Variants in RFX3 observed in about 807,000 individuals in gnomAD.
RFX3 encodes the protein regulatory factor X3, also known as transcription factor RFX3.
RFX3 carries 14 observed loss-of-function variants against 98.6 expected under a neutral mutation model. The observed-to-expected ratio is 0.14, with a 90% CI of 0.09 to 0.22. RFX3 has a LOEUF of 0.22. RFX3 is among the 10% of genes least tolerant of loss of function. RFX3 has a pLI of 1.00. For missense variants in RFX3, 639 were observed against 926.9 expected, an observed-to-expected ratio of 0.69 and a Z score of 4.03; for synonymous variants, 383 against 328.4, an observed-to-expected ratio of 1.17 and a Z score of -1.80.
At chr9:3,411,214 G>A (rs1223880106) in intron 1 of RFX3, among the ~76,000 whole-genome samples, 1 of 152,040 alleles carries the variant, frequency 6.6e-6, no homozygotes, top group Non-Finnish European at 1.5e-5. Flanking sequence ...TTCCTTATAA[G>A]GTTTACTCAA....
chr9:3,414,833 T>C (rs547288140), intron 1 of RFX3, among the ~76,000 whole-genome samples: 87 of 139,586 alleles, frequency 6.2e-4, no homozygotes, highest in African/African-American at 2.2e-3. Flanking sequence ...TATATGTATA[T>C]ATGAGTATAT....
chr9:3,417,420 C>T (rs1217290671), intron 1 of RFX3, among the ~76,000 whole-genome samples: 1 of 152,100 alleles, frequency 6.6e-6, no homozygotes, highest in East Asian at 1.9e-4. Flanking sequence ...ACAGACCATA[C>T]CTGATCACAA....
intron 15 of RFX3, among the ~76,000 whole-genome samples, chr9:3,231,373 G>T (rs915201382): frequency 6.6e-6 from 1 of 152,062 alleles, no homozygotes; most frequent in Non-Finnish European, 1.5e-5. Context: ...CCTATAGATA[G>T]GCTGCATGAG....
In RFX3 at chr9:3,343,066, T is replaced by C. The variant is rs185484888; in HGVS notation, c.215+3601A>G. ...CTGTTATGCTGGCAGTAATTGTCCA[T>C]ATTCACAGGGAGAATCGGGTAAACA... On this transcript the variant is annotated intron_variant, in intron 3 of 16. Coordinates refer to ENST00000617270, the MANE Select transcript of RFX3 (RefSeq NM_001282116.2). Among the ~76,000 whole-genome samples, 7 of 152,322 alleles carry C rather than the reference T, an allele frequency of 4.6e-5. 1 individual carries two copies. In the East Asian group the frequency reaches 1.3e-3, roughly 29 times the overall value.
intron 8 of RFX3, among the ~76,000 whole-genome samples, chr9:3,276,849 C>T (rs1292639065): frequency 6.6e-6 from 1 of 151,982 alleles, no homozygotes; most frequent in Non-Finnish European, 1.5e-5. Context: ...CTTCCTAACT[C>T]TTTCAATAAC....
chr9:3,283,061 G>A (rs1249752321), intron 7 of RFX3, among the ~76,000 whole-genome samples: 1 of 151,624 alleles, frequency 6.6e-6, no homozygotes, highest in East Asian at 1.9e-4. Context: ...GATTATTTAT[G>A]TTTCTCCTCT....
At chr9:3,483,553 T>C (rs1303662708) in intron 1 of RFX3, among the ~76,000 whole-genome samples, 11 of 152,156 alleles carry the variant, frequency 7.2e-5, no homozygotes, top group Non-Finnish European at 1.6e-4. Flanking sequence ...CAGGCCATAG[T>C]GGCCGGGCTC....
chr9:3,395,877 T>C (rs2131938381), intron 1 of RFX3, among the ~76,000 whole-genome samples: 1 of 152,304 alleles, frequency 6.6e-6, no homozygotes, highest in South Asian at 2.1e-4. Context: ...TCATTTGTTA[T>C]AAATTGTTTA....
intron 4 of RFX3, among the ~76,000 whole-genome samples, chr9:3,318,894 A>G (rs976922783): frequency 1.3e-5 from 2 of 152,130 alleles, no homozygotes; most frequent in South Asian, 2.1e-4. Flanking sequence ...TGAAATCAAG[A>G]TTGTCTTTTT....
intron 11 of RFX3, among the ~76,000 whole-genome samples, chr9:3,267,755 G>T (rs561166205): frequency 6.6e-6 from 1 of 151,736 alleles, no homozygotes; most frequent in Non-Finnish European, 1.5e-5. Flanking sequence ...TTTTTCTGTT[G>T]TATTATGTGC....
chr9:3,472,138 A>G (rs902817212), intron 1 of RFX3, among the ~76,000 whole-genome samples: 2 of 152,204 alleles, frequency 1.3e-5, no homozygotes, highest in Admixed American at 1.3e-4. Context: ...ATTTGTTTAG[A>G]AAGGTCACTG....
intron 1 of RFX3, chr9:3,469,139 C>T (rs1189276027): frequency 2.2e-6 from 1 of 455,006 alleles, no homozygotes; most frequent in Non-Finnish European, 4.4e-6. Context: ...GGGATAAATT[C>T]TGTTCATTTA....
intron 1 of RFX3, among the ~76,000 whole-genome samples, chr9:3,471,304 A>G (rs1379643361): frequency 1.3e-5 from 2 of 152,224 alleles, no homozygotes; most frequent in Admixed American, 6.5e-5. Flanking sequence ...AAGGCAAGTA[A>G]TATCATTCTG....
At chr9:3,503,708 A>G (rs929877984) in intron 1 of RFX3, among the ~76,000 whole-genome samples, 2 of 152,120 alleles carry the variant, frequency 1.3e-5, no homozygotes, top group African/African-American at 4.8e-5. Flanking sequence ...GTCTTTTTAC[A>G]TGTACAAAGT....
intron 1 of RFX3, among the ~76,000 whole-genome samples, chr9:3,410,841 T>G (rs1208736264): frequency 1.3e-5 from 2 of 152,234 alleles, no homozygotes; most frequent in Non-Finnish European, 2.9e-5. Context: ...ACCACGCCGC[T>G]TGATTTCTTT....
chr9:3,370,219 G>A (rs574683938), intron 2 of RFX3, among the ~76,000 whole-genome samples: 34 of 150,742 alleles, frequency 2.3e-4, no homozygotes, highest in African/African-American at 7.8e-4. Flanking sequence ...GATCCCTAGA[G>A]CAAGTTATCC....
intron 4 of RFX3, among the ~76,000 whole-genome samples, chr9:3,315,430 TA>T (rs1830468950): frequency 6.6e-6 from 1 of 152,064 alleles, no homozygotes; most frequent in South Asian, 2.1e-4. Flanking sequence ...AGGAAAGATC[TA>T]AAATTGACAC....
At chr9:3,498,661 T>C (rs1055105430) in intron 1 of RFX3, among the ~76,000 whole-genome samples, 1 of 152,118 alleles carries the variant, frequency 6.6e-6, no homozygotes, top group Non-Finnish European at 1.5e-5. Context: ...ATTGCTATTT[T>C]AATACCACAA....
At chr9:3,495,096 G>A (rs966859746) in intron 1 of RFX3, among the ~76,000 whole-genome samples, 1 of 151,502 alleles carries the variant, frequency 6.6e-6, no homozygotes, top group African/African-American at 2.4e-5. Flanking sequence ...ATTTACATAT[G>A]TATGTATATT....
Sources: gnomAD v4.1 joint callset for allele counts (sites outside exome capture counted in the v4.1 genomes callset) on GRCh38, gnomAD v4.1.1 for gene constraint, MANE v1.5 for transcripts, NCBI Gene and HGNC (gene_info 2026-07-23, HGNC 2026-07-21) for gene names.